TRPC5: variants seen among roughly 807,000 people sequenced by gnomAD.
The protein encoded by TRPC5 is short transient receptor potential channel 5.
A neutral mutation model predicts 56.5 loss-of-function variants in TRPC5; 9 were observed. That is an observed-to-expected ratio of 0.16 (90% confidence interval 0.10 to 0.28). TRPC5 has a LOEUF of 0.28. Among genes scored for constraint, TRPC5 ranks in the 10% least tolerant of loss-of-function variants. TRPC5 has a pLI of 1.00. For synonymous variants in TRPC5, 282 were observed against 278.5 expected (o/e 1.01, Z -0.13); for missense variants, 469 against 748.9 (o/e 0.63, Z 4.36).
Position 111,992,112 on chromosome X carries a change from G to C in TRPC5, c.-21-39671C>G, listed in dbSNP as rs372470015. 8.0e-5 allele frequency among the ~76,000 whole-genome samples: 9 copies of C among 112,088 alleles called. No individual in the cohort carries two copies. The East Asian group carries it at 1.1e-3, about 14-fold the overall frequency. Reference sequence around the variant, plus strand: ...AGTATATGAGGGATAGAGCCAGTATGATCCTTTGGCAAGTAGAGACTTTCC... The same window carrying C: ...AGTATATGAGGGATAGAGCCAGTATCATCCTTTGGCAAGTAGAGACTTTCC... On this transcript the variant is annotated intron_variant, in intron 1 of 10. Coordinates refer to ENST00000262839, the MANE Select transcript of TRPC5 (RefSeq NM_012471.3).
At chrX:111,940,301 C>G (rs898692748) in intron 2 of TRPC5, among the ~76,000 whole-genome samples, 2 of 111,653 alleles carry the variant, frequency 1.8e-5, no homozygotes, top group Admixed American at 9.5e-5. Flanking sequence ...GGCTGGAGTG[C>G]AGTGGGATGA....
chrX:111,908,307 T>C (rs1925696324), intron 3 of TRPC5, among the ~76,000 whole-genome samples: 1 of 111,855 alleles, frequency 8.9e-6, no homozygotes, highest in Non-Finnish European at 1.9e-5. Flanking sequence ...TTAAGATATA[T>C]ATGATTTCTC....
chrX:111,910,199 C>T (rs888681930), intron 3 of TRPC5, among the ~76,000 whole-genome samples: 3 of 112,278 alleles, frequency 2.7e-5, no homozygotes, highest in Non-Finnish European at 5.6e-5. Context: ...TTCCCATTAA[C>T]CATTCTGTCA....
intron 1 of TRPC5, among the ~76,000 whole-genome samples, chrX:112,019,440 CTTT>C (rs756001069): frequency 2.0e-5 from 2 of 102,386 alleles, no homozygotes; most frequent in African/African-American, 7.0e-5. Flanking sequence ...CCCGGTTTTC[CTTT>C]TTTTTTTTTT....
chrX:111,964,272 G>T (rs1356964455), intron 1 of TRPC5, among the ~76,000 whole-genome samples: 1 of 111,705 alleles, frequency 9.0e-6, no homozygotes. Context: ...GAAGGTTAGA[G>T]AAAAAAGAAT....
chrX:112,037,521 C>T (rs1929778959), intron 1 of TRPC5, among the ~76,000 whole-genome samples: 1 of 111,238 alleles, frequency 9.0e-6, no homozygotes, highest in Admixed American at 9.6e-5. Flanking sequence ...TTATCTTTTT[C>T]CCCCTAAATC....
rs1923158277 is a variant in TRPC5, at chrX:111,854,113, A to G, written c.901-7T>C. On this transcript the variant is annotated splice_polypyrimidine_tract_variant and splice_region_variant and intron_variant, in intron 3 of 10. Coordinates refer to ENST00000262839, the MANE Select transcript of TRPC5 (RefSeq NM_012471.3). ...AGTTGGGCTGAGCAACAAACTGGGAAAAGAAGAAAACAAGTTAGGCATCTG... is the reference window on the plus strand; with the variant it reads ...AGTTGGGCTGAGCAACAAACTGGGAGAAGAAGAAAACAAGTTAGGCATCTG... 8.4e-7 allele frequency: 1 copy of G among 1,197,355 alleles called. No individual in the cohort carries two copies. The highest frequency in any genetic ancestry group is 1.7e-5 in the African/African-American group (1 of 57,339).
At chrX:111,965,892 C>G (rs1197131964) in intron 1 of TRPC5, among the ~76,000 whole-genome samples, 2 of 111,350 alleles carry the variant, frequency 1.8e-5, no homozygotes, top group Non-Finnish European at 3.8e-5. Context: ...AAAATTGACA[C>G]CCTAACATCA....
intron 1 of TRPC5, among the ~76,000 whole-genome samples, chrX:111,987,916 T>G (rs1569529131): frequency 8.9e-6 from 1 of 112,574 alleles, no homozygotes; most frequent in East Asian, 2.8e-4. Context: ...ATTCTGCCAA[T>G]TCAATTGTTA....
chrX:111,940,988 T>A (rs1926762225), intron 2 of TRPC5, among the ~76,000 whole-genome samples: 1 of 112,022 alleles, frequency 8.9e-6, no homozygotes, highest in Non-Finnish European at 1.9e-5. Context: ...GACCTAACTG[T>A]AATACATTTA....
intron 2 of TRPC5, among the ~76,000 whole-genome samples, chrX:111,944,667 A>G (rs1323524592): frequency 9.0e-6 from 1 of 111,357 alleles, no homozygotes; most frequent in East Asian, 2.8e-4. Flanking sequence ...CATAATAAAA[A>G]GGAGAGGAAG....
At chrX:111,993,823 T>C (rs1268476149) in intron 1 of TRPC5, among the ~76,000 whole-genome samples, 1 of 112,301 alleles carries the variant, frequency 8.9e-6, no homozygotes, top group Non-Finnish European at 1.9e-5. Flanking sequence ...GATGGGTAGA[T>C]GGCAAAATTT....
chrX:111,891,860 A>C (rs1302764589), intron 3 of TRPC5, among the ~76,000 whole-genome samples: 1 of 112,276 alleles, frequency 8.9e-6, no homozygotes, highest in Non-Finnish European at 1.9e-5. Flanking sequence ...ACACAGGATT[A>C]TTATAAGTTA....
At chrX:111,865,644 A>T (rs1204732551) in intron 3 of TRPC5, among the ~76,000 whole-genome samples, 1 of 111,922 alleles carries the variant, frequency 8.9e-6, no homozygotes, top group Non-Finnish European at 1.9e-5. Context: ...AAAAGCTATA[A>T]GACTGAGTGT....
intron 1 of TRPC5, among the ~76,000 whole-genome samples, chrX:112,072,183 A>G (rs1930733982): frequency 8.9e-6 from 1 of 111,797 alleles, no homozygotes; most frequent in African/African-American, 3.3e-5. Flanking sequence ...CTTGTCTCCA[A>G]TAGATACCAC....
intron 1 of TRPC5, among the ~76,000 whole-genome samples, chrX:112,023,175 C>A (rs1299132147): frequency 9.7e-6 from 1 of 103,600 alleles, no homozygotes; most frequent in Non-Finnish European, 1.9e-5. Flanking sequence ...ACCTTGTGAT[C>A]TGCAAGCGTC....
Position 111,919,285 on chromosome X carries a change from C to T in TRPC5, c.379-6473G>A, listed in dbSNP as rs139743425. On this transcript the variant is annotated intron_variant, in intron 2 of 10. Coordinates refer to ENST00000262839, the MANE Select transcript of TRPC5 (RefSeq NM_012471.3). ...TCAGCAGTCTGTAAAATGGACCAAT[C>T]AGCAGGACATAGGTGGGGACAAATA... Among the ~76,000 whole-genome samples the T allele has an allele frequency of 8.9e-5, 10 of 112,072 alleles. No homozygotes were observed. The East Asian group carries it at 2.8e-3, about 32-fold the overall frequency.
intron 2 of TRPC5, among the ~76,000 whole-genome samples, chrX:111,936,604 T>C (rs757584502): frequency 0.095 from 9,818 of 103,091 alleles, 726 homozygotes; most frequent in African/African-American, 0.24. Context: ...GTTTGGTTTT[T>C]TGTTCTTGCG....
chrX:111,997,153 T>C (rs768475918), intron 1 of TRPC5, among the ~76,000 whole-genome samples: 22 of 112,021 alleles, frequency 2.0e-4, no homozygotes, highest in Non-Finnish European at 3.8e-4. Context: ...TTTCTTTCTA[T>C]GTTTAGTGCT....
Sources: allele counts gnomAD v4.1 joint callset (sites outside exome capture counted in the v4.1 genomes callset), GRCh38; gene constraint gnomAD v4.1.1; transcripts MANE v1.5; gene names NCBI Gene and HGNC (gene_info 2026-07-23, HGNC 2026-07-21).